Variants in HPSE2 observed in about 807,000 individuals in gnomAD.
HPSE2 encodes the protein inactive heparanase-2.
HPSE2 carries 38 observed loss-of-function variants against 60.5 expected under a neutral mutation model. The ratio of observed to expected loss-of-function variants is 0.63; its 90% confidence interval spans 0.48 to 0.82. The LOEUF is 0.82. Ranked by LOEUF, HPSE2 falls within the 40% of genes least tolerant of loss-of-function variation. The probability of loss-of-function intolerance (pLI) is 0.00; values close to 1 mark genes in which losing one functional copy is unlikely to be tolerated. For synonymous variants in HPSE2, 295 were observed against 293.2 expected (o/e 1.01, Z -0.06); for missense variants, 713 against 740.4 (o/e 0.96, Z 0.43).
chr10:99,014,273 C>T (rs1300504772), intron 3 of HPSE2, among the ~76,000 whole-genome samples: 1 of 152,200 alleles, frequency 6.6e-6, no homozygotes, highest in African/African-American at 2.4e-5. Context: ...CATCCATGTC[C>T]CTGCAAAGGA....
chr10:99,220,424 T>A (rs927104747), intron 2 of HPSE2, among the ~76,000 whole-genome samples: 1 of 152,174 alleles, frequency 6.6e-6, no homozygotes, highest in Non-Finnish European at 1.5e-5. Flanking sequence ...CTATATACTT[T>A]AAAATGTATA....
chr10:99,219,935 G>A (rs17111287), intron 2 of HPSE2, among the ~76,000 whole-genome samples: 3,079 of 152,268 alleles, frequency 0.02, 114 homozygotes, highest in East Asian at 0.15. Context: ...CAGCATTAAT[G>A]AGATGAGTAA....
intron 3 of HPSE2, among the ~76,000 whole-genome samples, chr10:98,904,337 A>G (rs1229234818): frequency 6.6e-6 from 1 of 152,196 alleles, no homozygotes; most frequent in African/African-American, 2.4e-5. Context: ...AAGAAGGGCT[A>G]TAATGGTTGG....
chr10:98,835,413 G>A (rs1452630795), intron 3 of HPSE2, among the ~76,000 whole-genome samples: 2 of 152,062 alleles, frequency 1.3e-5, no homozygotes, highest in Non-Finnish European at 2.9e-5. Flanking sequence ...ATCTAGGAAT[G>A]CACCCTTGGT....
intron 6 of HPSE2, among the ~76,000 whole-genome samples, chr10:98,654,143 T>C (rs1043464941): frequency 6.6e-6 from 1 of 152,178 alleles, no homozygotes; most frequent in African/African-American, 2.4e-5. Flanking sequence ...AGATTTTCTC[T>C]TTTTTCTTTA....
chr10:99,274,207 C>T, the HPSE2 span, among the ~76,000 whole-genome samples: 7 of 151,996 alleles, frequency 4.6e-5, no homozygotes, highest in Admixed American at 4.6e-4. Context: ...ATTAGCCAGG[C>T]GTGGTGGCCT....
chr10:98,915,783 G>A (rs369709441), intron 3 of HPSE2, among the ~76,000 whole-genome samples: 6 of 152,156 alleles, frequency 3.9e-5, no homozygotes, highest in African/African-American at 7.2e-5. Flanking sequence ...AAGAGCATGC[G>A]GAAAGGAATG....
At chr10:98,552,100 G>A (rs549300357) in intron 9 of HPSE2, among the ~76,000 whole-genome samples, 1 of 152,288 alleles carries the variant, frequency 6.6e-6, no homozygotes, top group South Asian at 2.1e-4. Flanking sequence ...TGACTTGAGT[G>A]ACTAACAGGA....
At chr10:98,489,126 G>A (rs1050629401) in intron 10 of HPSE2, among the ~76,000 whole-genome samples, 5 of 152,034 alleles carry the variant, frequency 3.3e-5, no homozygotes, top group Admixed American at 2.6e-4. Flanking sequence ...TCCCTGCCCC[G>A]TATCCCCCCA....
chr10:98,768,962 G>A (rs1164232659), intron 3 of HPSE2, among the ~76,000 whole-genome samples: 1 of 152,100 alleles, frequency 6.6e-6, no homozygotes, highest in African/African-American at 2.4e-5. Flanking sequence ...CAGGAGAATT[G>A]CTTGAACCTG....
intron 3 of HPSE2, among the ~76,000 whole-genome samples, chr10:99,063,963 C>G (rs1181152861): frequency 6.6e-6 from 1 of 151,998 alleles, no homozygotes; most frequent in Non-Finnish European, 1.5e-5. Flanking sequence ...CATGGTGGCA[C>G]GTGCCTGTAA....
chr10:98,627,526 T>A (rs1013380899), intron 7 of HPSE2, among the ~76,000 whole-genome samples: 9 of 152,188 alleles, frequency 5.9e-5, no homozygotes, highest in African/African-American at 2.2e-4. Context: ...GAGGAACAGT[T>A]AGGGGCATGG....
intron 9 of HPSE2, among the ~76,000 whole-genome samples, chr10:98,594,772 C>T (rs899985772): frequency 3.9e-5 from 6 of 152,156 alleles, no homozygotes; most frequent in African/African-American, 1.4e-4. Context: ...CATGGAAGGG[C>T]AGATATCTCT....
intron 3 of HPSE2, among the ~76,000 whole-genome samples, chr10:99,134,659 C>T (rs1845572026): frequency 6.6e-6 from 1 of 152,286 alleles, no homozygotes; most frequent in East Asian, 1.9e-4. Context: ...CCATTACAGA[C>T]AAGTAAATGA....
chr10:99,099,828 G>T (rs1426300033), intron 3 of HPSE2, among the ~76,000 whole-genome samples: 1 of 152,130 alleles, frequency 6.6e-6, no homozygotes, highest in Non-Finnish European at 1.5e-5. Flanking sequence ...TACATTTCCT[G>T]TTCAGCAATA....
At chr10:99,239,323 A>T (rs1849909366), upstream of HPSE2, among the ~76,000 whole-genome samples, 1 of 152,118 alleles carries the variant, frequency 6.6e-6, no homozygotes, top group Non-Finnish European at 1.5e-5. Context: ...AACTGTAAGA[A>T]AACGTGAAGA....
intron 5 of HPSE2, among the ~76,000 whole-genome samples, chr10:98,717,980 C>T (rs193280776): frequency 3.4e-4 from 51 of 152,054 alleles, no homozygotes; most frequent in East Asian, 1.2e-3. Context: ...CTCCTTTTGA[C>T]TAGGATTTCT....
intron 6 of HPSE2, among the ~76,000 whole-genome samples, chr10:98,655,961 G>C (rs1947050466): frequency 6.6e-6 from 1 of 152,172 alleles, no homozygotes; most frequent in Admixed American, 6.5e-5. Context: ...CTATATTTCA[G>C]TCAGTGAAAC....
intron 3 of HPSE2, among the ~76,000 whole-genome samples, chr10:98,834,564 TA>T (rs1381899754): frequency 6.6e-6 from 1 of 151,672 alleles, no homozygotes; most frequent in African/African-American, 2.4e-5. Context: ...GCTAACACCA[TA>T]AAAAAAAGAG....
Sources: allele counts gnomAD v4.1 joint callset (sites outside exome capture counted in the v4.1 genomes callset), GRCh38; gene constraint gnomAD v4.1.1; transcripts MANE v1.5; gene names NCBI Gene and HGNC (gene_info 2026-07-23, HGNC 2026-07-21).